Variants in SZT2 observed in about 807,000 individuals in gnomAD.
The protein encoded by SZT2 is SZT2 subunit of KICSTOR complex, also known as KICSTOR complex protein SZT2.
In SZT2, 216 loss-of-function variants were observed where a neutral mutation model predicts 404.2. That is an observed-to-expected ratio of 0.53 (90% CI 0.48 to 0.60). The LOEUF (loss-of-function observed/expected upper bound fraction) is 0.60, where lower values mean the gene tolerates loss of function less well. SZT2 is among the 20% of genes least tolerant of loss of function. The probability of loss-of-function intolerance (pLI) is 0.00; values close to 1 mark genes in which losing one functional copy is unlikely to be tolerated. For synonymous variants in SZT2, 1,693 were observed against 1,749.9 expected, an observed-to-expected ratio of 0.97 and a Z score of 0.81; for missense variants, 3,857 against 4,459.2, an observed-to-expected ratio of 0.86 and a Z score of 3.85.
chr1:43,430,874 C>T, intron 32 of SZT2, 75 bp from the exon 33 acceptor site: 1 of 1,583,508 alleles, frequency 6.3e-7, no homozygotes, highest in Non-Finnish European at 8.6e-7. Flanking sequence ...AGGGTTATGT[C>T]TTTTAACACA....
intron 33 of SZT2, 26 bp downstream of exon 33, chr1:43,431,116 T>G (rs751984721): frequency 3.7e-6 from 6 of 1,608,304 alleles, no homozygotes; most frequent in Middle Eastern, 1.7e-4. Flanking sequence ...TGGTGGGGGG[T>G]TTGGGACCTT....
chr1:43,404,449 CT>C lies in SZT2; in HGVS notation c.399del (p.Arg134GlyfsTer18). ...HALSRCLGGL[L>X]RPFRVPGSCI... The stretch of plus-strand genomic sequence containing the variant: ...CCTGTCCCGCTGCTTAGGCGGGCTG[CT>C]TCGGCCCTTCCGAGTGCCTGGATCT... On this transcript the variant is annotated frameshift_variant, in exon 4 of 72. Coordinates refer to ENST00000634258, the MANE Select transcript of SZT2 (RefSeq NM_001365999.1). LOFTEE classifies it high-confidence loss of function. 1 of 1,614,064 alleles carries C rather than the reference CT, an allele frequency of 6.2e-7. No homozygotes were observed. Among genetic ancestry groups the C allele is most frequent in the East Asian group, 2.2e-5 (1 of 44,888 alleles).
intron 62 of SZT2, 24 bp from the exon 63 acceptor site, chr1:43,445,870 C>CTTATCCCTCCTCCTT: frequency 6.2e-7 from 1 of 1,612,070 alleles, no homozygotes; most frequent in Non-Finnish European, 8.5e-7. Flanking sequence ...GCCTCATCCT[C>CTTATCCCTCCTCCTT]TTATCCCTCC....
Position 43,442,904 on chromosome 1 carries a change from G to A in SZT2, c.8237G>A (p.Arg2746Gln), listed in dbSNP as rs766706588. The A allele has an allele frequency of 3.7e-6, 6 of 1,613,970 alleles. No homozygotes were observed. Among genetic ancestry groups the A allele is most frequent in the African/African-American group, 1.3e-5 (1 of 74,908 alleles). ...ASPPLSREQG[R>Q]LSGSSRGGGP... ...CCCCCGCTGAGCCGTGAGCAGGGCC[G>A]ACTGAGTGGGTCCTCTCGTGGTGGG... Residue 2746 changes from arginine (R) to glutamine (Q), a missense_variant, in exon 59 of 72, where the codon CGA becomes CAA. Around this residue, in one of 7 missense-constraint regions of SZT2, gnomAD observed 573 missense variants for 592.4 expected, o/e 0.97. Transcript: ENST00000634258. This position sits in a 1 kb window ranked among gnomAD's most constrained non-coding sequence, Gnocchi z 4.5.
In SZT2 at chr1:43,427,309, G is replaced by A; in HGVS notation, c.3462G>A (p.Leu1154=). 3 of 1,612,764 alleles carry A rather than the reference G, an allele frequency of 1.9e-6. No individual in the cohort carries two copies. The South Asian group carries it at 3.3e-5, about 18-fold the overall frequency. ...SDVQRLAACG[L]EGPPQEETKP... ...TCCAGCGTCTGGCTGCCTGTGGCCT[G>A]GAGGGACCCCCTCAAGAGGAGACAA... The change falls in exon 25 of 72, where the codon CTG becomes CTA. Residue 1154 remains leucine (L), a synonymous_variant. Coordinates refer to ENST00000634258, the MANE Select transcript of SZT2 (RefSeq NM_001365999.1).
In SZT2 at chr1:43,431,463, C is replaced by T. The variant is rs1256144956; in HGVS notation, c.5028C>T (p.His1676=). 3 of 1,614,144 alleles carry T rather than the reference C, an allele frequency of 1.9e-6. No individual in the cohort carries two copies. The highest frequency in any genetic ancestry group is 2.2e-5 in the South Asian group (2 of 91,086). The change falls in exon 35 of 72, where the codon CAC becomes CAT. Residue 1676 remains histidine (H), a synonymous_variant. Coordinates refer to ENST00000634258, the MANE Select transcript of SZT2 (RefSeq NM_001365999.1). ...PPLPPPEEER[H]PGLSNLATPH... is the part of the protein sequence containing the mutation. ...TCTAAACCTTTCTTCCAATTAGGCA[C>T]CCAGGACTATCCAATTTGGCCACGC...
In SZT2 at chr1:43,452,242, AG is replaced by A. The variant is rs762230254; in HGVS notation, c.*1763del. On this transcript the variant is annotated 3_prime_UTR_variant, in exon 72 of 72. Coordinates refer to ENST00000634258, the MANE Select transcript of SZT2 (RefSeq NM_001365999.1). ...CCCAGCTGCATGCCTCAGGTTCTCC[AG>A]AAAAACGGCCTCCATCTCAGCCTTG... 1 of 1,613,960 alleles carries A rather than the reference AG, an allele frequency of 6.2e-7. No homozygotes were observed. Among genetic ancestry groups the A allele is most frequent in the Admixed American group, 1.7e-5 (1 of 59,984 alleles).
At chr1:43,429,653 C>T (rs984830217) in intron 28 of SZT2, 50 bp from the exon 29 acceptor site, 1 of 1,611,286 alleles carries the variant, frequency 6.2e-7, no homozygotes, top group Non-Finnish European at 8.5e-7. Flanking sequence ...CAGGCTACTT[C>T]AGAGCTTGAT....
Position 43,426,770 on chromosome 1 carries a change from C to T in SZT2, c.3270C>T (p.Gly1090=). 2 of 1,613,796 alleles carry T rather than the reference C, an allele frequency of 1.2e-6. No individual in the cohort carries two copies. Among genetic ancestry groups the T allele is most frequent in the Non-Finnish European group, 8.5e-7 (1 of 1,179,890 alleles). ...VHGIPKEQAV[G]STQATGDSAF... ...GGATCCCGAAGGAGCAAGCAGTCGG[C>T]AGCACCCAGGCCACAGGAGACTCCG... Residue 1090 remains glycine (G), a synonymous_variant, in exon 23 of 72, where the codon GGC becomes GGT. Coordinates refer to ENST00000634258, the MANE Select transcript of SZT2 (RefSeq NM_001365999.1). This position sits in a 1 kb window ranked among gnomAD's most constrained non-coding sequence, Gnocchi z 4.9.
intron 42 of SZT2, 102 bp downstream of exon 42, chr1:43,435,431 T>C: frequency 7.5e-7 from 1 of 1,339,602 alleles, no homozygotes; most frequent in Non-Finnish European, 1.0e-6. Flanking sequence ...CATTACTTGG[T>C]CATCAGTGCC....
At position 43,450,053 on chromosome 1, in the gene SZT2, C is replaced by T. The variant is rs571764698; in HGVS notation, c.10087-50C>T. The T allele has an allele frequency of 4.3e-6, 7 of 1,610,550 alleles. No homozygotes were observed. The highest frequency in any genetic ancestry group is 3.3e-5 in the South Asian group (3 of 91,018). On this transcript the variant is annotated intron_variant, in intron 70 of 71. Coordinates refer to ENST00000634258, the MANE Select transcript of SZT2 (RefSeq NM_001365999.1). This position sits in a 1 kb window ranked among gnomAD's most constrained non-coding sequence, Gnocchi z 4.3. ...CATCCTCCCTTCACCTCAGGATGCC[C>T]TGTGGGAGGGTCTGTAGGGTCTGTG...
At chr1:43,446,588 C>T (rs1655700406) in intron 65 of SZT2, 172 bp downstream of exon 65, 1 of 778,300 alleles carries the variant, frequency 1.3e-6, no homozygotes, top group African/African-American at 1.7e-5. Context: ...CATGACTGCA[C>T]TCACTACAAG....
Position 43,451,171 on chromosome 1 carries a change from C to T in SZT2, c.*691C>T. 7.0e-7 allele frequency: 1 copy of T among 1,425,702 alleles called. No individual in the cohort carries two copies. 88.3% of individuals were successfully genotyped at this position (1,425,702 alleles called of 1,614,324 possible). On this transcript the variant is annotated 3_prime_UTR_variant, in exon 72 of 72. Transcript: ENST00000634258. ...CATATGACAATGTTCAGCAGGTCAT[C>T]TTTAATGCAGAGGAGGAGATGGGAT...
intron 4 of SZT2, among the ~76,000 whole-genome samples, chr1:43,413,031 A>G (rs1456732405): frequency 1.3e-5 from 2 of 152,210 alleles, no homozygotes; most frequent in African/African-American, 2.4e-5. Context: ...GGATGTGGAG[A>G]AAAGGTAACG....
At chr1:43,415,931 C>A in intron 5 of SZT2, 29 bp from the exon 6 acceptor site, 1 of 1,585,360 alleles carries the variant, frequency 6.3e-7, no homozygotes, top group East Asian at 2.3e-5. Context: ...CCATCTGCCC[C>A]ATTCTGTCTT....
chr1:43,411,769 CTTT>C (rs386366817), intron 4 of SZT2, among the ~76,000 whole-genome samples: 7 of 74,052 alleles, frequency 9.5e-5, no homozygotes, highest in Middle Eastern at 8.9e-3. Flanking sequence ...CATCCACTAT[CTTT>C]TTTTTTTTTT....
Position 43,446,436 on chromosome 1 carries a change from GCA to G in SZT2, c.9072+23_9072+24del. 3 of 1,614,182 alleles carry G rather than the reference GCA, an allele frequency of 1.9e-6. No homozygotes were observed. Among genetic ancestry groups the G allele is most frequent in the Non-Finnish European group, 2.5e-6 (3 of 1,180,008 alleles). Reference sequence around the variant, plus strand: ...TCACAGGTATGTGAATGAGCTGCGGGCACAGTCAGTGCACCCCAGTGTGCTGT... The same window carrying G: ...TCACAGGTATGTGAATGAGCTGCGGGCAGTCAGTGCACCCCAGTGTGCTGT... On this transcript the variant is annotated intron_variant, in intron 65 of 71. Transcript: ENST00000634258.
intron 42 of SZT2, chr1:43,436,725 T>C (rs1654492360): frequency 1.2e-5 from 2 of 168,956 alleles, no homozygotes; most frequent in Non-Finnish European, 2.6e-5. Context: ...GTTTCTGTCT[T>C]CCAAAGCCCA....
At chr1:43,430,226 A>G (rs1465320238) in intron 30 of SZT2, 85 bp from the exon 31 acceptor site, 32 of 1,564,754 alleles carry the variant, frequency 2.0e-5, no homozygotes, top group Non-Finnish European at 1.8e-6. Context: ...CAAGCTGTCT[A>G]AGGCAAGACA....
Sources: allele counts gnomAD v4.1 joint callset (sites outside exome capture counted in the v4.1 genomes callset), GRCh38; gene constraint gnomAD v4.1.1; regional missense constraint gnomAD v4.1.1; non-coding constraint Gnocchi (gnomAD v3.1); transcripts MANE v1.5; gene names NCBI Gene and HGNC (gene_info 2026-07-23, HGNC 2026-07-21).